The following DGKK variants were observed in gnomAD, a reference collection of about 807,000 sequenced individuals.
DGKK encodes 142 kDa diacylglycerol kinase.
Under a neutral mutation model 92.2 loss-of-function variants are expected in DGKK, and 35 were observed. The ratio of observed to expected loss-of-function variants is 0.38; its 90% confidence interval spans 0.29 to 0.50. The LOEUF (loss-of-function observed/expected upper bound fraction) is 0.50, where lower values mean the gene tolerates loss of function less well. Ranked by LOEUF, DGKK falls within the 20% of genes least tolerant of loss-of-function variation. The pLI is 0.92. For missense variants in DGKK, 910 were observed against 992.2 expected (o/e 0.92, Z 1.11); for synonymous variants, 368 against 360.6 (o/e 1.02, Z -0.23).
chrX:50,386,527 T>C lies in DGKK; in HGVS notation c.2178A>G (p.Ala726=). Residue 726 remains alanine, a synonymous_variant, in exon 15 of 28, where the codon GCA becomes GCG. Coordinates refer to ENST00000611977, the MANE Select transcript of DGKK (RefSeq NM_001013742.4). ...VLIDVLAEEA[A]ATSAEKSATE... is the part of the protein sequence containing the mutation. ...TAGCACTTTTTTCAGCAGAAGTAGC[T>C]GCTGCCTCCTCAGCCAGGACATCGA... 8.3e-7 allele frequency: 1 copy of C among 1,211,246 alleles called. No homozygotes were observed. Among genetic ancestry groups the C allele is most frequent in the East Asian group, 3.0e-5 (1 of 33,815 alleles).
intron 25 of DGKK, 66 bp from the exon 26 acceptor site, chrX:50,371,900 C>T: frequency 5.7e-6 from 4 of 699,347 alleles, no homozygotes; most frequent in Non-Finnish European, 6.5e-6. Flanking sequence ...TTACACTCTC[C>T]CCCACTCCCA....
chrX:50,373,120 G>A (rs143193186), intron 25 of DGKK, among the ~76,000 whole-genome samples: 251 of 112,231 alleles, frequency 2.2e-3, no homozygotes, highest in African/African-American at 7.5e-3. Flanking sequence ...CTAGATGCAC[G>A]GGACATGTGT....
At chrX:50,456,498 G>C (rs1305242659) in intron 1 of DGKK, among the ~76,000 whole-genome samples, 1 of 111,910 alleles carries the variant, frequency 8.9e-6, no homozygotes, top group African/African-American at 3.2e-5. Flanking sequence ...GTTAAGATTA[G>C]TGAAAAGGTT....
chrX:50,463,806 T>G (rs924535349), intron 1 of DGKK, among the ~76,000 whole-genome samples: 2 of 110,879 alleles, frequency 1.8e-5, no homozygotes, highest in African/African-American at 6.5e-5. Context: ...TAATTCTAAA[T>G]GTATTTGCTT....
intron 4 of DGKK, among the ~76,000 whole-genome samples, chrX:50,413,802 T>C (rs782350248): frequency 1.8e-5 from 2 of 111,649 alleles, no homozygotes; most frequent in Non-Finnish European, 3.8e-5. Context: ...GTATAGGGGT[T>C]CCTCAAAAAA....
Position 50,403,522 on chromosome X carries a change from G to T in DGKK, c.1154C>A (p.Thr385Asn). Residue 385 changes from threonine to asparagine, a missense_variant, in exon 6 of 28, where the codon ACT becomes AAT. By Grantham distance (65) the Thr-to-Asn change is moderately conservative. Coordinates refer to ENST00000611977, the MANE Select transcript of DGKK (RefSeq NM_001013742.4). ...KDCKWNTLSI[T>N]DDLLLPADEV... ...ATCTGCAGGCAGAAGGAGGTCATCA[G>T]TGATAGACAATGTATTCCACTTGCA... 3 of 1,210,967 alleles carry T rather than the reference G, an allele frequency of 2.5e-6. No homozygotes were observed. Among genetic ancestry groups the T allele is most frequent in the Non-Finnish European group, 3.4e-6 (3 of 894,902 alleles).
At chrX:50,426,182 T>A (rs1215116837) in intron 1 of DGKK, among the ~76,000 whole-genome samples, 1 of 112,102 alleles carries the variant, frequency 8.9e-6, no homozygotes, top group Admixed American at 9.5e-5. Flanking sequence ...TCGTATGTAA[T>A]GTCCCCTGTA....
Position 50,387,522 on chromosome X carries a change from A to G in DGKK, c.2118+32T>C, listed in dbSNP as rs782017824. On this transcript the variant is annotated intron_variant, in intron 14 of 27. Coordinates refer to ENST00000611977, the MANE Select transcript of DGKK (RefSeq NM_001013742.4). Reference sequence around the variant, plus strand: ...AAAAAGGGCCCCTGGCTGCTCCACAAAGAGTATAAGACAAAAGGAATGGGA... The same window carrying G: ...AAAAAGGGCCCCTGGCTGCTCCACAGAGAGTATAAGACAAAAGGAATGGGA... 4.1e-5 allele frequency: 44 copies of G among 1,086,177 alleles called. No homozygotes were observed. The East Asian group carries it at 1.2e-3, about 31-fold the overall frequency. The allele number at this position is 1,086,177 out of a possible 1,213,427, so 89.5% of individuals were successfully genotyped here.
chrX:50,414,412 C>G (rs1252454976), intron 4 of DGKK, among the ~76,000 whole-genome samples: 2 of 111,382 alleles, frequency 1.8e-5, no homozygotes, highest in African/African-American at 6.5e-5. Flanking sequence ...TTGATTTAAT[C>G]ATGCCACCTC....
intron 1 of DGKK, among the ~76,000 whole-genome samples, chrX:50,464,130 T>C (rs1926831949): frequency 1.0e-5 from 1 of 95,513 alleles, no homozygotes; most frequent in Admixed American, 1.2e-4. Context: ...TTTCTTCTTT[T>C]AAAAAAATCG....
In DGKK at chrX:50,368,983, G is replaced by A. The variant is rs1011955650; in HGVS notation, c.3773C>T (p.Ala1258Val). 1.7e-6 allele frequency: 2 copies of A among 1,207,329 alleles called. No individual in the cohort carries two copies. Among genetic ancestry groups the A allele is most frequent in the Non-Finnish European group, 2.2e-6 (2 of 894,218 alleles). ...LWHRRHREDEAEGDDPLTPSR... is the reference protein window; with the variant it reads ...LWHRRHREDEVEGDDPLTPSR... ...TGGTGTTAGAGGATCATCACCCTCT[G>A]CTTCATCTTCACGATGTCTGCGGTG... The change falls in exon 28 of 28, where the codon GCA becomes GTA. Residue 1258 changes from alanine to valine, a missense_variant. Transcript: ENST00000611977.
intron 1 of DGKK, among the ~76,000 whole-genome samples, chrX:50,449,643 C>T (rs781935736): frequency 7.2e-5 from 8 of 110,795 alleles, no homozygotes; most frequent in Non-Finnish European, 9.5e-5. Context: ...AGAGCTGAGC[C>T]GGCTCACAAC....
chrX:50,450,584 A>G (rs1474273916), intron 1 of DGKK, among the ~76,000 whole-genome samples: 1 of 111,978 alleles, frequency 8.9e-6, no homozygotes, highest in East Asian at 2.8e-4. Flanking sequence ...TCTAAGGTGT[A>G]TGCTTAGCAA....
At chrX:50,386,011 GAGA>G (rs1373018670) in intron 15 of DGKK, among the ~76,000 whole-genome samples, 15 of 111,672 alleles carry the variant, frequency 1.3e-4, no homozygotes, top group Admixed American at 4.8e-4. Flanking sequence ...AAAGAAACAG[GAGA>G]AGGAGGAAAA....
chrX:50,455,223 T>G (rs1317706609), intron 1 of DGKK, among the ~76,000 whole-genome samples: 2 of 112,340 alleles, frequency 1.8e-5, no homozygotes, highest in East Asian at 5.6e-4. Flanking sequence ...AGACCAGTTT[T>G]CTTTAAGAAA....
rs370337711 is a variant in DGKK at position 50,376,123 on chromosome X, G to A, written c.3315C>T (p.Leu1105=). 2.5e-6 allele frequency: 3 copies of A among 1,209,673 alleles called. No homozygotes were observed. The highest frequency in any genetic ancestry group is 3.5e-5 in the African/African-American group (2 of 57,250). ...LSKIHQHVSV[L]MGSVNASANI... Reference sequence around the variant, plus strand: ...TAGCGCTGGCATTCACAGAACCCATGAGGACAGACACATGCTGGTGGATCT... The same window carrying A: ...TAGCGCTGGCATTCACAGAACCCATAAGGACAGACACATGCTGGTGGATCT... The change falls in exon 24 of 28, where the codon CTC becomes CTT. Residue 1105 remains leucine, a synonymous_variant. Transcript: ENST00000611977.
chrX:50,382,012 G>A (rs1408422225), intron 18 of DGKK, among the ~76,000 whole-genome samples: 1 of 111,692 alleles, frequency 9.0e-6, no homozygotes, highest in Non-Finnish European at 1.9e-5. Flanking sequence ...TCTGAAGTAT[G>A]AAAGTGCGAG....
intron 18 of DGKK, among the ~76,000 whole-genome samples, chrX:50,382,011 T>C (rs1924425751): frequency 1.8e-5 from 2 of 111,619 alleles, no homozygotes; most frequent in African/African-American, 3.3e-5. Flanking sequence ...GTCTGAAGTA[T>C]GAAAGTGCGA....
At chrX:50,446,981 C>T (rs1926324478) in intron 1 of DGKK, among the ~76,000 whole-genome samples, 1 of 108,851 alleles carries the variant, frequency 9.2e-6, no homozygotes, top group African/African-American at 3.3e-5. Flanking sequence ...TGCATAAATG[C>T]TAATGCATAT....
Sources: gnomAD v4.1 joint callset for allele counts (sites outside exome capture counted in the v4.1 genomes callset) on GRCh38, gnomAD v4.1.1 for gene constraint, MANE v1.5 for transcripts, NCBI Gene and HGNC (gene_info 2026-07-23, HGNC 2026-07-21) for gene names.